CDK18: variants seen among roughly 807,000 people sequenced by gnomAD.
CDK18 encodes the protein cyclin dependent kinase 18, also known as cyclin-dependent kinase 18.
Under a neutral mutation model 62.0 loss-of-function variants are expected in CDK18, and 52 were observed. That is an observed-to-expected ratio of 0.84 (90% CI 0.67 to 1.06). The LOEUF is 1.06. CDK18 is among the 50% of genes least tolerant of loss of function. The pLI is 0.00. For synonymous variants in CDK18, 237 were observed against 247.0 expected (o/e 0.96, Z 0.38); for missense variants, 604 against 619.9 (o/e 0.97, Z 0.27).
At chr1:205,524,870 C>T (rs1668342218) in intron 4 of CDK18, among the ~76,000 whole-genome samples, 1 of 152,284 alleles carries the variant, frequency 6.6e-6, no homozygotes, top group South Asian at 2.1e-4. Context: ...TGGAGGAGCT[C>T]GTGGTCTCAG....
chr1:205,511,360 G>A (rs1053480473), intron 1 of CDK18, among the ~76,000 whole-genome samples: 3 of 152,188 alleles, frequency 2.0e-5, no homozygotes, highest in African/African-American at 4.8e-5. Flanking sequence ...ACGATGGCCC[G>A]CAAAGCCTAA....
At position 205,528,057 on chromosome 1, in the gene CDK18, G is replaced by T; in HGVS notation, c.863G>T (p.Arg288Met). The T allele has an allele frequency of 6.2e-7, 1 of 1,614,184 alleles. No individual in the cohort carries two copies. ...ELKLADFGLA[R>M]AKSVPTKTYS... Reference sequence around the variant, plus strand: ...ACATGTCTGCCCCCAGGACTGGCCAGGGCCAAGTCAGTGCCCACAAAGACT... The same window carrying T: ...ACATGTCTGCCCCCAGGACTGGCCATGGCCAAGTCAGTGCCCACAAAGACT... Residue 288 changes from arginine (R) to methionine (M), a missense_variant, in exon 10 of 16, where the codon AGG becomes ATG. Physicochemically the swap from Arg to Met is moderately conservative, Grantham distance 91. Coordinates refer to ENST00000429964, the MANE Select transcript of CDK18 (RefSeq NM_212502.3). The surrounding 1 kb of genome is among the most constrained non-coding windows in gnomAD (Gnocchi z 4.2).
chr1:205,528,125 G>A lies in CDK18; in HGVS notation c.931G>A (p.Val311Met). The A allele has an allele frequency of 1.2e-6, 2 of 1,614,108 alleles. No individual in the cohort carries two copies. The highest frequency in any genetic ancestry group is 1.1e-5 in the South Asian group (1 of 91,078). ...VVTLWYRPPD[V>M]LLGSTEYSTP... The stretch of plus-strand genomic sequence containing the variant: ...GACCCTGTGGTACAGGCCCCCCGAT[G>A]TGCTGCTGGGATCCACAGAGTACTC... The change falls in exon 10 of 16, where the codon GTG becomes ATG. Residue 311 changes from valine (V) to methionine (M), a missense_variant. Physicochemically the swap from Val to Met is conservative, Grantham distance 21 (BLOSUM62 1). Coordinates refer to ENST00000429964, the MANE Select transcript of CDK18 (RefSeq NM_212502.3). This position sits in a 1 kb window ranked among gnomAD's most constrained non-coding sequence, Gnocchi z 4.2.
intron 4 of CDK18, 72 bp downstream of exon 4, chr1:205,524,429 A>C: frequency 6.4e-7 from 1 of 1,564,382 alleles, no homozygotes; most frequent in Admixed American, 1.7e-5. Context: ...TATCAGTCCC[A>C]GCTGAGGCCT....
At position 205,523,495 on chromosome 1, in the gene CDK18, G is replaced by A. The variant is rs1163528905; in HGVS notation, c.143G>A (p.Gly48Asp). The change falls in exon 3 of 16, where the codon GGT (glycine) becomes GAT (aspartate). Residue 48 changes from glycine (G) to aspartate (D), a missense_variant. Physicochemically the swap from Gly to Asp is moderately conservative, Grantham distance 94. Transcript: ENST00000429964. Reference protein sequence around the residue: ...HNRRNENLQLGPLGRDPPQEC... With the variant: ...HNRRNENLQLDPLGRDPPQEC... Reference sequence around the variant, plus strand: ...CTGTCCCTCTTAGACTTGCAGCTCGGTCCTCTTGGCAGAGACCCCCCGCAG... The same window carrying A: ...CTGTCCCTCTTAGACTTGCAGCTCGATCCTCTTGGCAGAGACCCCCCGCAG... 1.2e-6 allele frequency: 2 copies of A among 1,603,724 alleles called. No homozygotes were observed. The highest frequency in any genetic ancestry group is 1.1e-5 in the South Asian group (1 of 89,396).
At chr1:205,524,572 G>A (rs1442986172) in intron 4 of CDK18, among the ~76,000 whole-genome samples, 1 of 152,228 alleles carries the variant, frequency 6.6e-6, no homozygotes, top group South Asian at 2.1e-4. Flanking sequence ...GGGACTCTAA[G>A]CCCACAGTGG....
intron 1 of CDK18, among the ~76,000 whole-genome samples, chr1:205,505,715 T>G (rs1019701794): frequency 6.6e-6 from 1 of 151,668 alleles, no homozygotes. Flanking sequence ...TGGGTGGGAG[T>G]TGGGCTGCAG....
chr1:205,529,206 C>T (rs772417169), intron 11 of CDK18, 110 bp downstream of exon 11: 2 of 1,332,022 alleles, frequency 1.5e-6, no homozygotes, highest in African/African-American at 1.5e-5. Flanking sequence ...CTCTCCCGGG[C>T]GGGGACCCCC....
chr1:205,531,657 A>T lies in CDK18; in HGVS notation c.*279A>T. 2.3e-6 allele frequency: 1 copy of T among 440,618 alleles called. No homozygotes were observed. The highest frequency in any genetic ancestry group is 2.2e-5 in the South Asian group (1 of 44,780). 27.3% of individuals were successfully genotyped at this position (440,618 alleles called of 1,614,324 possible). ...GACATGAGGGGGGGGCGGTCCTCGT[A>T]CCCTCTCCCACCCTGGTGTTTGGGC... On this transcript the variant is annotated 3_prime_UTR_variant, in exon 16 of 16. Transcript: ENST00000429964.
intron 2 of CDK18, 69 bp from the exon 3 acceptor site, chr1:205,523,414 G>C (rs1039553315): frequency 6.3e-7 from 1 of 1,599,956 alleles, no homozygotes; most frequent in Admixed American, 1.7e-5. Context: ...AGCGCTGGGG[G>C]AGGGGGGCTA....
At chr1:205,509,237 A>G (rs1667454922) in intron 1 of CDK18, among the ~76,000 whole-genome samples, 1 of 152,212 alleles carries the variant, frequency 6.6e-6, no homozygotes, top group Non-Finnish European at 1.5e-5. Flanking sequence ...ATGGGCCAGA[A>G]CTTTTGAAAG....
chr1:205,511,528 A>G (rs1667565109), intron 1 of CDK18, among the ~76,000 whole-genome samples: 1 of 152,252 alleles, frequency 6.6e-6, no homozygotes, highest in Admixed American at 6.5e-5. Context: ...CTTCTTATGT[A>G]AGCAATAAAT....
At chr1:205,508,980 T>G (rs563062479) in intron 1 of CDK18, among the ~76,000 whole-genome samples, 4 of 151,260 alleles carry the variant, frequency 2.6e-5, no homozygotes, top group Non-Finnish European at 5.9e-5. Flanking sequence ...GAAACCCTGT[T>G]TCTCCTAAAA....
rs77956116 is a variant in CDK18, at chr1:205,519,608, C to T, written c.-21-3539C>T. On this transcript the variant is annotated intron_variant, in intron 1 of 15. Transcript: ENST00000429964. ...CGGGTGGAGAACAGCTGGTCCCCAT[C>T]GCCTGCACTGCTTGGCCCCACATTC... Among the ~76,000 whole-genome samples the T allele has an allele frequency of 1.9e-4, 29 of 152,298 alleles. No individual in the cohort carries two copies. In the East Asian group the frequency reaches 5.0e-3, roughly 26 times the overall value.
intron 13 of CDK18, chr1:205,529,902 G>T: frequency 7.3e-7 from 1 of 1,374,362 alleles, no homozygotes; most frequent in Non-Finnish European, 9.5e-7. Flanking sequence ...ACTTAGTGTG[G>T]TGCCTGTCTT....
rs759912173 is a variant in CDK18 at position 205,530,320 on chromosome 1, T to C, written c.1283T>C (p.Leu428Pro). The C allele has an allele frequency of 3.7e-6, 6 of 1,612,894 alleles. No individual in the cohort carries two copies. In the African/African-American group the frequency reaches 4.0e-5, roughly 11 times the overall value. Residue 428 changes from leucine (L) to proline (P), a missense_variant, in exon 14 of 16, where the codon CTG becomes CCG. Physicochemically the swap from Leu to Pro is moderately conservative, Grantham distance 98 (BLOSUM62 -3). Coordinates refer to ENST00000429964, the MANE Select transcript of CDK18 (RefSeq NM_212502.3). ...CTGAGTCACTCCTACTTCCGGTCTC[T>C]GGGAGAGCGTGTGCACCAGCTTGAA... ...AALSHSYFRS[L>P]GERVHQLEDT...
chr1:205,526,303 C>A, intron 6 of CDK18, 64 bp from the exon 7 acceptor site: 4 of 1,501,202 alleles, frequency 2.7e-6, no homozygotes, highest in Non-Finnish European at 3.7e-6. Context: ...GCGCTGACCC[C>A]AAGAAAAGAG....
chr1:205,510,940 A>G (rs992142054), intron 1 of CDK18, among the ~76,000 whole-genome samples: 3 of 152,212 alleles, frequency 2.0e-5, no homozygotes, highest in Non-Finnish European at 4.4e-5. Flanking sequence ...GCCCCAGCTG[A>G]TGGCTGGGTA....
At chr1:205,515,835 G>A (rs1031456789) in intron 1 of CDK18, among the ~76,000 whole-genome samples, 12 of 152,190 alleles carry the variant, frequency 7.9e-5, no homozygotes, top group African/African-American at 2.4e-4. Context: ...AATTGCTCCC[G>A]GAAGGCCTTC....
Sources: gnomAD v4.1 joint callset for allele counts (sites outside exome capture counted in the v4.1 genomes callset) on GRCh38, gnomAD v4.1.1 for gene constraint, Gnocchi (gnomAD v3.1) non-coding constraint, MANE v1.5 for transcripts, NCBI Gene and HGNC (gene_info 2026-07-23, HGNC 2026-07-21) for gene names.